Variants in CUL4A observed in about 807,000 individuals in gnomAD.
The protein encoded by CUL4A is cullin-4A.
Under a neutral mutation model 95.5 loss-of-function variants are expected in CUL4A, and 16 were observed. The observed-to-expected ratio is 0.17, with a 90% confidence interval of 0.11 to 0.25. The LOEUF (loss-of-function observed/expected upper bound fraction) is 0.25, where lower values mean the gene tolerates loss of function less well. Ranked by LOEUF, CUL4A falls within the 10% of genes least tolerant of loss-of-function variation. The pLI, the probability that CUL4A is intolerant of heterozygous loss-of-function variation, is 1.00. For missense variants in CUL4A, 610 were observed against 937.0 expected, an observed-to-expected ratio of 0.65 and a Z score of 4.56; for synonymous variants, 380 against 353.1, an observed-to-expected ratio of 1.08 and a Z score of -0.85.
At chr13:113,218,861 T>G (rs1221223746) in intron 2 of CUL4A, 84 bp from the exon 3 acceptor site, 1 of 890,830 alleles carries the variant, frequency 1.1e-6, no homozygotes, top group Non-Finnish European at 1.8e-6. Context: ...TTTCTTATGA[T>G]TACAGCTATG....
intron 3 of CUL4A, among the ~76,000 whole-genome samples, chr13:113,225,290 T>TA (rs888659361): frequency 4.6e-5 from 7 of 152,226 alleles, no homozygotes; most frequent in African/African-American, 1.7e-4. Context: ...TGCACACCAT[T>TA]GTGGCTATGT....
chr13:113,211,104 G>A (rs2040421401), intron 2 of CUL4A, among the ~76,000 whole-genome samples: 1 of 152,170 alleles, frequency 6.6e-6, no homozygotes, highest in Non-Finnish European at 1.5e-5. Flanking sequence ...CCCCGAAATT[G>A]CCATGACCAC....
chr13:113,232,855 GTCTC>G (rs2041404722), intron 5 of CUL4A, among the ~76,000 whole-genome samples: 1 of 152,082 alleles, frequency 6.6e-6, no homozygotes, highest in Non-Finnish European at 1.5e-5. Flanking sequence ...CTGCCTGAGT[GTCTC>G]CCGTCGCTCA....
chr13:113,222,999 G>A (rs936355022), intron 3 of CUL4A, among the ~76,000 whole-genome samples: 2 of 152,148 alleles, frequency 1.3e-5, no homozygotes, highest in African/African-American at 4.8e-5. Flanking sequence ...GGAATCGAGG[G>A]GCGAGTTTAA....
At position 113,266,681 on chromosome 13, in the gene CUL4A, A is replaced by G. The variant is rs928170966; in HGVS notation, c.*3099A>G. On this transcript the variant is annotated 3_prime_UTR_variant, in exon 20 of 20. Coordinates refer to ENST00000375440, the MANE Select transcript of CUL4A (RefSeq NM_001008895.4). ...ATACACAGGAACTCGGCGTGGCACA[A>G]AGGGGCCGTGTGTGATCAGGAACTG... is the stretch of plus-strand genomic sequence containing the variant. 3 of 152,214 alleles carry G rather than the reference A, an allele frequency of 2.0e-5. No homozygotes were observed. The highest frequency in any genetic ancestry group is 4.8e-5 in the African/African-American group (2 of 41,460). The allele number at this position is 152,214 out of a possible 1,614,324, so 9.4% of individuals were successfully genotyped here. A position where few individuals can be genotyped will look rare whatever the true frequency, so the allele number is the denominator to read the frequency against.
Position 113,209,990 on chromosome 13 carries a change from G to T in CUL4A, c.166G>T (p.Asp56Tyr), listed in dbSNP as rs1310264241. The change falls in exon 2 of 20, where the codon GAC becomes TAC. Residue 56 changes from aspartate (D) to tyrosine (Y), a missense_variant. Physicochemically the swap from Asp to Tyr is radical, Grantham distance 160. Coordinates refer to ENST00000375440, the MANE Select transcript of CUL4A (RefSeq NM_001008895.4). ...KNFRDRPRLP[D>Y]NYTQDTWRKL... Reference sequence around the variant, plus strand: ...CCCTGCAGACAGACCTCGGCTGCCCGACAACTACACGCAGGACACGTGGCG... The same window carrying T: ...CCCTGCAGACAGACCTCGGCTGCCCTACAACTACACGCAGGACACGTGGCG... 5 of 1,514,788 alleles carry T rather than the reference G, an allele frequency of 3.3e-6. No homozygotes were observed. The highest frequency in any genetic ancestry group is 1.2e-5 in the South Asian group (1 of 81,238). 93.8% of individuals were successfully genotyped at this position (1,514,788 alleles called of 1,614,324 possible). A position where few individuals can be genotyped will look rare whatever the true frequency, so the allele number is the denominator to read the frequency against.
rs1318717971 is a variant in CUL4A, at chr13:113,264,080, G to A, written c.*498G>A. On this transcript the variant is annotated 3_prime_UTR_variant, in exon 20 of 20. Transcript: ENST00000375440. ...TGGGTGAACATTAGAAAGAGCCAGG[G>A]TTCAAAGCTGGCGAATGGATGACGC... The A allele has an allele frequency of 1.3e-5, 2 of 152,558 alleles. No homozygotes were observed. Among genetic ancestry groups the A allele is most frequent in the Non-Finnish European group, 2.9e-5 (2 of 68,048 alleles). 9.5% of individuals were successfully genotyped at this position (152,558 alleles called of 1,614,324 possible).
chr13:113,233,357 G>A lies in CUL4A; in HGVS notation c.675+18G>A, dbSNP rs369162266. 53 of 1,606,740 alleles carry A rather than the reference G, an allele frequency of 3.3e-5. No individual in the cohort carries two copies. Among genetic ancestry groups the A allele is most frequent in the African/African-American group, 1.9e-4 (14 of 74,786 alleles). On this transcript the variant is annotated intron_variant, in intron 6 of 19. Coordinates refer to ENST00000375440, the MANE Select transcript of CUL4A (RefSeq NM_001008895.4). ...ACCTGCAGGTGAGTGCTGCCTGTGC[G>A]GAAGATACCTGGGTACCTGCCCAGC...
At chr13:113,223,886 G>A (rs890218259) in intron 3 of CUL4A, among the ~76,000 whole-genome samples, 7 of 152,068 alleles carry the variant, frequency 4.6e-5, no homozygotes, top group African/African-American at 1.4e-4. Flanking sequence ...TTAGCTGTCC[G>A]TTTCAAAATA....
At chr13:113,258,939 A>G (rs1445319978) in intron 18 of CUL4A, among the ~76,000 whole-genome samples, 2 of 152,216 alleles carry the variant, frequency 1.3e-5, no homozygotes, top group Non-Finnish European at 2.9e-5. Flanking sequence ...TCCATGAAGC[A>G]TTTGGAAAAC....
intron 3 of CUL4A, chr13:113,219,295 T>G (rs2040810690): frequency 2.6e-6 from 1 of 389,546 alleles, no homozygotes; most frequent in South Asian, 3.9e-5. Context: ...GAAAAATGTC[T>G]TCAAGTTTGA....
intron 3 of CUL4A, among the ~76,000 whole-genome samples, chr13:113,223,732 A>T (rs2139135794): frequency 6.6e-6 from 1 of 152,206 alleles, no homozygotes; most frequent in East Asian, 1.9e-4. Context: ...TTATATTTTG[A>T]TTGTATGCTG....
At chr13:113,210,279 T>C (rs1807564495) in intron 2 of CUL4A, among the ~76,000 whole-genome samples, 191 bp downstream of exon 2, 1 of 152,216 alleles carries the variant, frequency 6.6e-6, no homozygotes, top group Admixed American at 6.5e-5. Context: ...AATTTTTGTT[T>C]TCAGGCTTAA....
chr13:113,215,269 G>GTGTGACTATGGAGGTCGCTA, intron 2 of CUL4A, among the ~76,000 whole-genome samples: 1 of 149,444 alleles, frequency 6.7e-6, no homozygotes, highest in East Asian at 2.1e-4. Context: ...GGAGGTTGCT[G>GTGTGACTATGGAGGTCGCTA]TGTGACTATG....
chr13:113,208,218 C>T, upstream of CUL4A: 5 of 1,521,466 alleles, frequency 3.3e-6, no homozygotes, highest in South Asian at 4.9e-5. Context: ...TGCTGGGAAA[C>T]AGCGTCCATC....
chr13:113,245,895 T>G, intron 14 of CUL4A, 61 bp from the exon 15 acceptor site: 2 of 1,210,104 alleles, frequency 1.7e-6, no homozygotes, highest in African/African-American at 1.5e-5. Flanking sequence ...TTTATTTTGT[T>G]TTAGGTTAAT....
At chr13:113,237,337 C>T (rs931196645) in intron 9 of CUL4A, among the ~76,000 whole-genome samples, 5 of 152,200 alleles carry the variant, frequency 3.3e-5, no homozygotes, top group South Asian at 4.1e-4. Context: ...GATGAACTAC[C>T]GACTAGGTGG....
chr13:113,249,153 G>A (rs191237634), intron 15 of CUL4A, among the ~76,000 whole-genome samples: 5 of 152,316 alleles, frequency 3.3e-5, no homozygotes, highest in Admixed American at 2.6e-4. Context: ...ATCACAATAT[G>A]TGAGCTTTTG....
chr13:113,233,465 T>C, intron 6 of CUL4A, 126 bp downstream of exon 6: 1 of 904,522 alleles, frequency 1.1e-6, no homozygotes, highest in Non-Finnish European at 1.6e-6. Context: ...GGAGAGTCTT[T>C]AAAATCCCTA....
Sources: allele counts gnomAD v4.1 joint callset (sites outside exome capture counted in the v4.1 genomes callset), GRCh38; gene constraint gnomAD v4.1.1; transcripts MANE v1.5; gene names NCBI Gene and HGNC (gene_info 2026-07-23, HGNC 2026-07-21).